Variants in MARCHF1 observed in about 807,000 individuals in gnomAD.
MARCHF1 encodes the protein E3 ubiquitin-protein ligase MARCHF1.
Under a neutral mutation model 54.2 loss-of-function variants are expected in MARCHF1, and 40 were observed. The ratio of observed to expected loss-of-function variants is 0.74; its 90% CI spans 0.57 to 0.96. The LOEUF (loss-of-function observed/expected upper bound fraction) is 0.96, where lower values mean the gene tolerates loss of function less well. Among genes scored for constraint, MARCHF1 ranks in the 40% least tolerant of loss-of-function variants. The pLI, the probability that MARCHF1 is intolerant of heterozygous loss-of-function variation, is 0.00. For synonymous variants in MARCHF1, 236 were observed against 236.3 expected, an observed-to-expected ratio of 1.00 and a Z score of 0.01; for missense variants, 586 against 656.5, an observed-to-expected ratio of 0.89 and a Z score of 1.17.
chr4:164,196,294 G>A (rs1476485031), intron 1 of MARCHF1, among the ~76,000 whole-genome samples: 3 of 151,894 alleles, frequency 2.0e-5, no homozygotes, highest in East Asian at 3.9e-4. Context: ...ATGTCCCCAG[G>A]TATGCTTTAT....
chr4:163,628,104 A>G (rs1340099017), intron 5 of MARCHF1, among the ~76,000 whole-genome samples: 3 of 152,182 alleles, frequency 2.0e-5, no homozygotes, highest in Non-Finnish European at 4.4e-5. Context: ...AATTAAAAAA[A>G]TTGTTGTTTG....
intron 5 of MARCHF1, among the ~76,000 whole-genome samples, chr4:163,633,439 C>T (rs563453452): frequency 5.2e-4 from 79 of 152,056 alleles, no homozygotes; most frequent in African/African-American, 1.7e-3. Context: ...TTGAGAACTA[C>T]GTAAAGAATG....
At position 163,615,536 on chromosome 4, in the gene MARCHF1, C is replaced by G. The variant is rs113058616; in HGVS notation, c.163-2143G>C. Among the ~76,000 whole-genome samples, 59 of 151,684 alleles carry G rather than the reference C, an allele frequency of 3.9e-4. 1 individual carries two copies. The highest frequency in any genetic ancestry group is 1.4e-3 in the African/African-American group (57 of 41,366). On this transcript the variant is annotated intron_variant, in intron 5 of 9. Transcript: ENST00000514618. Reference sequence around the variant, plus strand: ...ATTTAACTAAGAAGGTGAAAGCTCTCTACAATGGAAAGTACAAAACAGTAA... The same window carrying G: ...ATTTAACTAAGAAGGTGAAAGCTCTGTACAATGGAAAGTACAAAACAGTAA...
chr4:164,313,941 AAC>A (rs1385734001), intron 1 of MARCHF1, among the ~76,000 whole-genome samples: 2 of 152,210 alleles, frequency 1.3e-5, no homozygotes, highest in Admixed American at 6.5e-5. Context: ...CCTAAAAGAA[AAC>A]AGTCTCCCAG....
At chr4:164,347,844 A>G (rs2110869581) in intron 1 of MARCHF1, among the ~76,000 whole-genome samples, 1 of 152,332 alleles carries the variant, frequency 6.6e-6, no homozygotes, top group East Asian at 1.9e-4. Flanking sequence ...TCTATTTTAG[A>G]GCTATTTAAA....
Position 163,528,917 on chromosome 4 carries a change from C to T in MARCHF1, c.1469G>A (p.Arg490His), listed in dbSNP as rs138795587. ...TGGGCAATTTTGTACAAAGATCACACGGTTGTAGGCCTTCAGCCTGCGCCA... is the reference window on the plus strand; with the variant it reads ...TGGGCAATTTTGTACAAAGATCACATGGTTGTAGGCCTTCAGCCTGCGCCA... Reference protein sequence around the residue: ...QLWRRLKAYNRVIFVQNCPDT... With the variant: ...QLWRRLKAYNHVIFVQNCPDT... Residue 490 changes from arginine to histidine, a missense_variant, in exon 10 of 10, where the codon CGT (arginine) becomes CAT (histidine). Arg to His is a conservative substitution (Grantham distance 29). Transcript: ENST00000514618. 25 of 1,613,240 alleles carry T rather than the reference C, an allele frequency of 1.5e-5. No individual in the cohort carries two copies. Among genetic ancestry groups the T allele is most frequent in the South Asian group, 4.4e-5 (4 of 91,074 alleles).
intron 1 of MARCHF1, among the ~76,000 whole-genome samples, chr4:164,174,155 T>A (rs948533236): frequency 2.6e-5 from 4 of 152,192 alleles, no homozygotes; most frequent in African/African-American, 9.7e-5. Context: ...AGATTCAATG[T>A]GCAATCTTGA....
At chr4:163,870,813 A>G in intron 3 of MARCHF1, among the ~76,000 whole-genome samples, 1 of 152,152 alleles carries the variant, frequency 6.6e-6, no homozygotes, top group Non-Finnish European at 1.5e-5. Flanking sequence ...AGAGTAGAAT[A>G]GTGGTTGCCA....
intron 4 of MARCHF1, among the ~76,000 whole-genome samples, chr4:163,824,190 G>T (rs938515586): frequency 6.6e-6 from 1 of 151,828 alleles, no homozygotes; most frequent in Non-Finnish European, 1.5e-5. Context: ...CATATTTATG[G>T]TTATTTATTT....
At chr4:163,945,645 T>C (rs1194424242) in intron 3 of MARCHF1, among the ~76,000 whole-genome samples, 3 of 152,222 alleles carry the variant, frequency 2.0e-5, no homozygotes, top group Admixed American at 6.5e-5. Context: ...ATATTTTGCA[T>C]ATGAATTTAA....
intron 3 of MARCHF1, among the ~76,000 whole-genome samples, chr4:163,964,712 T>A (rs923384914): frequency 6.6e-6 from 1 of 152,002 alleles, no homozygotes; most frequent in African/African-American, 2.4e-5. Flanking sequence ...ATAACCCTTT[T>A]TCCATGGTAG....
intron 4 of MARCHF1, among the ~76,000 whole-genome samples, chr4:163,705,455 T>C (rs1744922288): frequency 6.6e-6 from 1 of 151,938 alleles, no homozygotes; most frequent in Admixed American, 6.6e-5. Flanking sequence ...CTTTGATACA[T>C]GAGCAGTGTA....
intron 2 of MARCHF1, among the ~76,000 whole-genome samples, chr4:164,022,293 T>A (rs947158317): frequency 1.3e-5 from 2 of 152,230 alleles, no homozygotes; most frequent in African/African-American, 2.4e-5. Context: ...GAAGGATAAC[T>A]GGAAGGATGA....
At chr4:163,740,299 A>G (rs1746158881) in intron 4 of MARCHF1, among the ~76,000 whole-genome samples, 1 of 152,184 alleles carries the variant, frequency 6.6e-6, no homozygotes, top group Non-Finnish European at 1.5e-5. Flanking sequence ...CCTAGCTTAT[A>G]TCATCCTTTC....
chr4:164,095,415 A>C (rs75310413), intron 2 of MARCHF1, among the ~76,000 whole-genome samples: 5 of 148,936 alleles, frequency 3.4e-5, no homozygotes, highest in South Asian at 2.1e-4. Context: ...CACACACACA[A>C]ACACACACAC....
intron 5 of MARCHF1, among the ~76,000 whole-genome samples, chr4:163,620,273 C>G (rs1252689809): frequency 7.3e-6 from 1 of 136,640 alleles, no homozygotes; most frequent in East Asian, 2.2e-4. Context: ...CCAGTGTAGC[C>G]GAGGTGGGGA....
intron 7 of MARCHF1, among the ~76,000 whole-genome samples, chr4:163,599,743 A>G (rs1380533286): frequency 6.6e-6 from 1 of 152,202 alleles, no homozygotes; most frequent in African/African-American, 2.4e-5. Context: ...TTCTGATTCC[A>G]TAGGTCTGGA....
chr4:164,176,969 T>TA (rs1730692622), intron 1 of MARCHF1, among the ~76,000 whole-genome samples: 1 of 43,758 alleles, frequency 2.3e-5, no homozygotes, highest in Non-Finnish European at 4.2e-5. Flanking sequence ...TCTCTCTCTC[T>TA]CTCTCTCTCT....
At chr4:163,596,266 C>T (rs1056180988) in intron 7 of MARCHF1, among the ~76,000 whole-genome samples, 3 of 151,900 alleles carry the variant, frequency 2.0e-5, no homozygotes, top group South Asian at 4.2e-4. Flanking sequence ...ATTGGCTGGG[C>T]GCCGATGGCT....
Sources: gnomAD v4.1 joint callset for allele counts (sites outside exome capture counted in the v4.1 genomes callset) on GRCh38, gnomAD v4.1.1 for gene constraint, MANE v1.5 for transcripts, NCBI Gene and HGNC (gene_info 2026-07-23, HGNC 2026-07-21) for gene names.